The following C5orf34 variants were observed in gnomAD, a reference collection of about 807,000 sequenced individuals.
C5orf34 encodes chromosome 5 open reading frame 34.
C5orf34 carries 73 observed loss-of-function variants against 78.4 expected under a neutral mutation model. The observed-to-expected ratio is 0.93, with a 90% CI of 0.77 to 1.13. The LOEUF is 1.13. Ranked by LOEUF, C5orf34 falls within the 50% of genes most tolerant of loss-of-function variation. The pLI is 0.00. For missense variants in C5orf34, 730 were observed against 732.7 expected (o/e 1.00, Z 0.04); for synonymous variants, 251 against 246.6 (o/e 1.02, Z -0.17).
At chr5:43,495,037 G>A in intron 6 of C5orf34, 1 of 1,421,100 alleles carries the variant, frequency 7.0e-7, no homozygotes, top group Admixed American at 1.7e-5. Flanking sequence ...TTCCACCACT[G>A]ATTAAGAGTT....
At chr5:43,494,971 GTC>G in intron 6 of C5orf34, 1 of 933,236 alleles carries the variant, frequency 1.1e-6, no homozygotes, top group Non-Finnish European at 1.7e-6. Context: ...TCATTAACCA[GTC>G]TTTCACTACT....
At chr5:43,499,202 G>C (rs894683727) in intron 6 of C5orf34, among the ~76,000 whole-genome samples, 1 of 152,186 alleles carries the variant, frequency 6.6e-6, no homozygotes, top group Admixed American at 6.5e-5. Flanking sequence ...ATGACATTTA[G>C]ATAGAAATCT....
chr5:43,502,698 A>G (rs1745816325), intron 5 of C5orf34, among the ~76,000 whole-genome samples: 3 of 152,218 alleles, frequency 2.0e-5, no homozygotes, highest in Middle Eastern at 3.2e-3. Flanking sequence ...GAATTGGCTT[A>G]TGCATTTATT....
At chr5:43,491,933 G>A (rs1246802085) in intron 10 of C5orf34, among the ~76,000 whole-genome samples, 1 of 151,580 alleles carries the variant, frequency 6.6e-6, no homozygotes, top group African/African-American at 2.4e-5. Context: ...GAACCCAGGA[G>A]GCGGAGGTTG....
At chr5:43,503,595 C>A in intron 5 of C5orf34, 70 bp downstream of exon 5, 2 of 989,856 alleles carry the variant, frequency 2.0e-6, no homozygotes, top group South Asian at 2.6e-5. Flanking sequence ...CTATAAGGCT[C>A]GTCCCATCTT....
chr5:43,499,499 T>C (rs1348673129), intron 6 of C5orf34, among the ~76,000 whole-genome samples: 1 of 152,134 alleles, frequency 6.6e-6, no homozygotes, highest in East Asian at 1.9e-4. Context: ...CAATAAATAA[T>C]ACATTAAGTT....
intron 9 of C5orf34, 119 bp downstream of exon 9, chr5:43,492,601 C>T: frequency 1.2e-6 from 1 of 868,868 alleles, no homozygotes; most frequent in Non-Finnish European, 1.8e-6. Context: ...ATCAGTAAAG[C>T]TTCTTGACAG....
intron 3 of C5orf34, 133 bp downstream of exon 3, chr5:43,508,444 A>G: frequency 3.4e-6 from 2 of 596,650 alleles, no homozygotes; most frequent in Non-Finnish European, 3.0e-6. Context: ...GGGATACACT[A>G]TGTAACTTTG....
Position 43,509,312 on chromosome 5 carries a change from A to T in C5orf34, c.28T>A (p.Tyr10Asn). MAAELRMIL[Y>N]EDDSVQVQYV... ...TGTACTTGTACTGAATCATCTTCAT[A>T]AAGTATCATTCGCAGTTCAGCTGCC... Residue 10 changes from tyrosine (Y) to asparagine (N), a missense_variant, in exon 2 of 13, where the codon TAT becomes AAT. Transcript: ENST00000306862. 6.2e-7 allele frequency: 1 copy of T among 1,612,750 alleles called. No individual in the cohort carries two copies. Among genetic ancestry groups the T allele is most frequent in the Non-Finnish European group, 8.5e-7 (1 of 1,179,426 alleles).
intron 6 of C5orf34, among the ~76,000 whole-genome samples, chr5:43,498,495 C>G (rs1323712739): frequency 6.6e-6 from 1 of 152,126 alleles, no homozygotes; most frequent in Non-Finnish European, 1.5e-5. Flanking sequence ...AAGCCATCAT[C>G]AAAAAAATTT....
chr5:43,487,813 G>T, intron 12 of C5orf34, 96 bp downstream of exon 12: 1 of 879,178 alleles, frequency 1.1e-6, no homozygotes, highest in Non-Finnish European at 1.8e-6. Flanking sequence ...AATATATTAA[G>T]TATAGATTAA....
chr5:43,505,729 A>G lies in C5orf34; in HGVS notation c.932+19T>C, dbSNP rs775909507. 7.9e-6 allele frequency: 12 copies of G among 1,521,472 alleles called. 1 individual carries two copies. Among genetic ancestry groups the G allele is most frequent in the Admixed American group, 4.5e-5 (2 of 44,770 alleles). 94.2% of individuals were successfully genotyped at this position (1,521,472 alleles called of 1,614,324 possible). Reference sequence around the variant, plus strand: ...GTTCTGATAAAAAGCTTCATGACCAATAGCCATTACTGCATTACCTGTGTA... The same window carrying G: ...GTTCTGATAAAAAGCTTCATGACCAGTAGCCATTACTGCATTACCTGTGTA... On this transcript the variant is annotated intron_variant, in intron 4 of 12. Coordinates refer to ENST00000306862, the MANE Select transcript of C5orf34 (RefSeq NM_198566.4).
chr5:43,502,923 G>C (rs931778942), intron 5 of C5orf34, among the ~76,000 whole-genome samples: 1 of 152,194 alleles, frequency 6.6e-6, no homozygotes, highest in Non-Finnish European at 1.5e-5. Flanking sequence ...TGCACAAGGG[G>C]CTATCCCTAA....
chr5:43,488,263 C>T (rs1390065997), intron 11 of C5orf34: 7 of 290,068 alleles, frequency 2.4e-5, no homozygotes, highest in African/African-American at 1.5e-4. Flanking sequence ...TTACACTCTA[C>T]TTTCCTCCCT....
chr5:43,501,744 T>C (rs1392355332), intron 6 of C5orf34, among the ~76,000 whole-genome samples: 1 of 152,206 alleles, frequency 6.6e-6, no homozygotes, highest in Non-Finnish European at 1.5e-5. Context: ...CTCCACTCTG[T>C]AATGAAGAGA....
In C5orf34 at chr5:43,507,850, G is replaced by A. The variant is rs371590201; in HGVS notation, c.285+727C>T. 3.2e-4 allele frequency among the ~76,000 whole-genome samples: 48 copies of A among 152,182 alleles called. No homozygotes were observed. The East Asian group carries it at 5.0e-3, about 16-fold the overall frequency. ...TCCCAGCACTTTGGGAGGCTGAGGC[G>A]GGCGGATCACGAGGTCAGGAGATCG... On this transcript the variant is annotated intron_variant, in intron 3 of 12. Coordinates refer to ENST00000306862, the MANE Select transcript of C5orf34 (RefSeq NM_198566.4).
At chr5:43,488,168 G>T in intron 11 of C5orf34, 2 of 520,630 alleles carry the variant, frequency 3.8e-6, no homozygotes, top group Non-Finnish European at 6.8e-6. Flanking sequence ...TCTACCCCTT[G>T]TAAATCCACT....
chr5:43,493,741 C>CT lies in C5orf34; in HGVS notation c.1245-130dup, dbSNP rs967419317. ...TTTTCACTGAAATGTGTTGGGAACT[C>CT]TTTTTTTCTCCAGAAATCCTTAAGC... On this transcript the variant is annotated intron_variant, in intron 7 of 12. Coordinates refer to ENST00000306862, the MANE Select transcript of C5orf34 (RefSeq NM_198566.4). The CT allele has an allele frequency of 1.1e-5, 6 of 565,154 alleles. No homozygotes were observed. The Admixed American group carries it at 1.1e-4, about 10-fold the overall frequency. The allele number at this position is 565,154 out of a possible 1,614,324, so 35.0% of individuals were successfully genotyped here. A position where few individuals can be genotyped will look rare whatever the true frequency, so the allele number is the denominator to read the frequency against.
chr5:43,493,553 C>G lies in C5orf34; in HGVS notation c.1304G>C (p.Cys435Ser). ...ATAATTTTAACATACCATTTTCCAGCAGCATATACGATAGTTATGGCTTAA... is the reference window on the plus strand; with the variant it reads ...ATAATTTTAACATACCATTTTCCAGGAGCATATACGATAGTTATGGCTTAA... The part of the protein sequence containing the change: ...LSLSHNYRIC[C>S]WKMVPGINDS... Residue 435 changes from cysteine (C) to serine (S), a missense_variant, in exon 8 of 13, where the codon TGC becomes TCC. Physicochemically the swap from Cys to Ser is moderately radical, Grantham distance 112. Transcript: ENST00000306862. The G allele has an allele frequency of 1.9e-6, 3 of 1,548,222 alleles. No homozygotes were observed. The highest frequency in any genetic ancestry group is 2.6e-6 in the Non-Finnish European group (3 of 1,132,198).
Sources: allele counts gnomAD v4.1 joint callset (sites outside exome capture counted in the v4.1 genomes callset), GRCh38; gene constraint gnomAD v4.1.1; transcripts MANE v1.5; gene names NCBI Gene and HGNC (gene_info 2026-07-23, HGNC 2026-07-21).